COL23A1: variants seen among roughly 807,000 people sequenced by gnomAD.
The protein encoded by COL23A1 is collagen alpha-1(XXIII) chain.
A neutral mutation model predicts 99.3 loss-of-function variants in COL23A1; 97 were observed. That is an observed-to-expected ratio of 0.98 (90% CI 0.83 to 1.16). The LOEUF (loss-of-function observed/expected upper bound fraction) is 1.16. Among genes scored for constraint, COL23A1 ranks in the 50% most tolerant of loss-of-function variants. COL23A1 has a pLI of 0.00. For synonymous variants in COL23A1, 320 were observed against 308.2 expected, an observed-to-expected ratio of 1.04 and a Z score of -0.40; for missense variants, 762 against 757.4, an observed-to-expected ratio of 1.01 and a Z score of -0.07.
At chr5:178,343,938 G>A (rs954640570) in intron 2 of COL23A1, among the ~76,000 whole-genome samples, 3 of 152,120 alleles carry the variant, frequency 2.0e-5, no homozygotes, top group African/African-American at 7.2e-5. Context: ...TGGGATTACA[G>A]GCGTGAGCCA....
At chr5:178,584,243 C>T (rs1438254357) in intron 1 of COL23A1, among the ~76,000 whole-genome samples, 1 of 151,970 alleles carries the variant, frequency 6.6e-6, no homozygotes, top group African/African-American at 2.4e-5. Context: ...CTCCTGACCT[C>T]AGGTGATCCA....
At chr5:178,524,131 C>A (rs1760175618) in intron 2 of COL23A1, among the ~76,000 whole-genome samples, 1 of 152,174 alleles carries the variant, frequency 6.6e-6, no homozygotes, top group Non-Finnish European at 1.5e-5. Flanking sequence ...GAACGTACTG[C>A]CCCTCTTGAC....
At chr5:178,435,050 G>A (rs184984936) in intron 2 of COL23A1, among the ~76,000 whole-genome samples, 35 of 152,326 alleles carry the variant, frequency 2.3e-4, no homozygotes, top group East Asian at 3.9e-4. Context: ...TGTGCCCAGC[G>A]GGGCGAGCAA....
At chr5:178,456,563 T>C (rs1413523163) in intron 2 of COL23A1, among the ~76,000 whole-genome samples, 2 of 152,136 alleles carry the variant, frequency 1.3e-5, no homozygotes, top group African/African-American at 4.8e-5. Flanking sequence ...CTGGGCGTGG[T>C]GGCGAATGCC....
intron 2 of COL23A1, among the ~76,000 whole-genome samples, chr5:178,546,214 A>G (rs1761568934): frequency 6.6e-6 from 1 of 152,062 alleles, no homozygotes. Context: ...GGCGGGGGGC[A>G]GATATGTGTA....
intron 2 of COL23A1, among the ~76,000 whole-genome samples, chr5:178,362,459 C>T (rs11951512): frequency 0.11 from 16,831 of 150,272 alleles, 1,323 homozygotes; most frequent in Admixed American, 0.26. Flanking sequence ...CAAGCAGCCA[C>T]TCTCTCTTTT....
chr5:178,326,026 C>T (rs1474003895), intron 2 of COL23A1, among the ~76,000 whole-genome samples: 1 of 152,166 alleles, frequency 6.6e-6, no homozygotes, highest in Non-Finnish European at 1.5e-5. Flanking sequence ...GGCTCTTAAC[C>T]ACTCCCCAGG....
At chr5:178,268,145 G>C (rs1425334971) in intron 7 of COL23A1, among the ~76,000 whole-genome samples, 1 of 152,204 alleles carries the variant, frequency 6.6e-6, no homozygotes, top group Admixed American at 6.5e-5. Context: ...CTGGGTCGGG[G>C]GTGGACATGG....
At chr5:178,369,243 C>A (rs1035403012) in intron 2 of COL23A1, among the ~76,000 whole-genome samples, 2 of 152,120 alleles carry the variant, frequency 1.3e-5, no homozygotes, top group African/African-American at 4.8e-5. Flanking sequence ...GCCCTAAACA[C>A]CTTGACCCCT....
At position 178,287,513 on chromosome 5, in the gene COL23A1, T is replaced by A. The variant is rs1213873172; in HGVS notation, c.441+811A>T. Among the ~76,000 whole-genome samples the A allele has an allele frequency of 2.0e-5, 3 of 152,238 alleles. No homozygotes were observed. In the East Asian group the frequency reaches 5.8e-4, roughly 29 times the overall value. ...GAAGCAGAGTGGACCCCACGTCAAG[T>A]CTCCCTGGTGCTGGGGCTGGCCTCC... is the stretch of plus-strand genomic sequence containing the variant. On this transcript the variant is annotated intron_variant, in intron 5 of 28. Transcript: ENST00000390654.
At chr5:178,261,784 C>G in intron 10 of COL23A1, 36 bp from the exon 11 acceptor site, 1 of 1,550,770 alleles carries the variant, frequency 6.4e-7, no homozygotes, top group Non-Finnish European at 8.9e-7. Context: ...AAATGTCATA[C>G]TGGAGGCTGC....
At chr5:178,374,568 G>A (rs72822848) in intron 2 of COL23A1, among the ~76,000 whole-genome samples, 5,240 of 152,308 alleles carry the variant, frequency 0.034, 136 homozygotes, top group Non-Finnish European at 0.056. Flanking sequence ...CCTCATCCGT[G>A]AAATGAGAAC....
chr5:178,330,784 C>A (rs1759976310), intron 2 of COL23A1, among the ~76,000 whole-genome samples: 1 of 152,234 alleles, frequency 6.6e-6, no homozygotes, highest in African/African-American at 2.4e-5. Flanking sequence ...CTCCTCTCTG[C>A]TCTTTCACCC....
At chr5:178,262,876 T>A (rs1765710684) in intron 9 of COL23A1, among the ~76,000 whole-genome samples, 1 of 152,054 alleles carries the variant, frequency 6.6e-6, no homozygotes, top group Non-Finnish European at 1.5e-5. Flanking sequence ...GGGTCTGAAT[T>A]GGGGGCGTAG....
intron 2 of COL23A1, among the ~76,000 whole-genome samples, chr5:178,455,434 G>C (rs1041736343): frequency 1.3e-5 from 2 of 152,188 alleles, no homozygotes; most frequent in Non-Finnish European, 2.9e-5. Context: ...GCCAGGGCAA[G>C]TCACTCAACT....
intron 2 of COL23A1, among the ~76,000 whole-genome samples, chr5:178,358,260 A>ATGTGTGTG (rs1554145323): frequency 4.2e-5 from 5 of 119,348 alleles, no homozygotes; most frequent in African/African-American, 9.9e-5. Context: ...GTGTGTATGT[A>ATGTGTGTG]TATGTGTGTA....
At chr5:178,288,741 A>C (rs542199810) in intron 4 of COL23A1, among the ~76,000 whole-genome samples, 9 of 152,210 alleles carry the variant, frequency 5.9e-5, no homozygotes, top group Admixed American at 1.3e-4. Flanking sequence ...GTTTCCTCTC[A>C]GTTGCCACTG....
intron 2 of COL23A1, among the ~76,000 whole-genome samples, chr5:178,488,994 G>A (rs747799251): frequency 1.3e-4 from 20 of 152,198 alleles, no homozygotes; most frequent in Non-Finnish European, 2.1e-4. Flanking sequence ...CAAACTCAGC[G>A]CCTGGGAAGG....
intron 2 of COL23A1, among the ~76,000 whole-genome samples, chr5:178,530,152 G>A (rs1400104066): frequency 2.6e-5 from 4 of 152,168 alleles, no homozygotes; most frequent in African/African-American, 9.7e-5. Flanking sequence ...CATCTTTTGA[G>A]ATTCTTCCCA....
Sources: gnomAD v4.1 joint callset for allele counts (sites outside exome capture counted in the v4.1 genomes callset) on GRCh38, gnomAD v4.1.1 for gene constraint, MANE v1.5 for transcripts, NCBI Gene and HGNC (gene_info 2026-07-23, HGNC 2026-07-21) for gene names.